Variants in COL14A1 observed in about 807,000 individuals in gnomAD.
The protein encoded by COL14A1 is collagen type XIV alpha 1 chain.
Under a neutral mutation model 230.3 loss-of-function variants are expected in COL14A1, and 136 were observed. The ratio of observed to expected loss-of-function variants is 0.59; its 90% CI spans 0.51 to 0.68. The LOEUF (loss-of-function observed/expected upper bound fraction) is 0.68. Among genes scored for constraint, COL14A1 ranks in the 30% least tolerant of loss-of-function variants. COL14A1 has a pLI of 0.00. For missense variants in COL14A1, 1,976 were observed against 2,215.8 expected (o/e 0.89, Z 2.17); for synonymous variants, 792 against 784.1 (o/e 1.01, Z -0.17).
intron 13 of COL14A1, chr8:120,213,983 C>G: frequency 2.5e-6 from 1 of 404,354 alleles, no homozygotes; most frequent in Admixed American, 3.0e-5. Flanking sequence ...TCTTTATTGT[C>G]AAAGAATCAG....
rs1814733029 is a variant in COL14A1 at position 120,136,952 on chromosome 8, T to G, written c.-37-10854T>G. On this transcript the variant is annotated intron_variant, in intron 1 of 47. Coordinates refer to ENST00000297848, the MANE Select transcript of COL14A1 (RefSeq NM_021110.4). Reference sequence around the variant, plus strand: ...ACTCCAGCCTGTGTGACAGTGAGAGTCTGTCTCAAAAAAAAAAAAAAAAAA... The same window carrying G: ...ACTCCAGCCTGTGTGACAGTGAGAGGCTGTCTCAAAAAAAAAAAAAAAAAA... 3.2e-5 allele frequency among the ~76,000 whole-genome samples: 3 copies of G among 94,540 alleles called. No individual in the cohort carries two copies. The South Asian group carries it at 1.1e-3, about 35-fold the overall frequency. 62.0% of individuals were successfully genotyped at this position (94,540 alleles called of 152,430 possible).
chr8:120,128,373 T>A (rs1321285596), intron 1 of COL14A1, among the ~76,000 whole-genome samples: 1 of 152,132 alleles, frequency 6.6e-6, no homozygotes, highest in African/African-American at 2.4e-5. Context: ...ATTCCTCCTT[T>A]AGCAATCACT....
In COL14A1 at chr8:120,263,726, T is replaced by G. The variant is rs539888084; in HGVS notation, c.3016+712T>G. Among the ~76,000 whole-genome samples, 6 of 152,186 alleles carry G rather than the reference T, an allele frequency of 3.9e-5. No individual in the cohort carries two copies. In the South Asian group the frequency reaches 1.2e-3, roughly 32 times the overall value. On this transcript the variant is annotated intron_variant, in intron 24 of 47. Transcript: ENST00000297848. Reference sequence around the variant, plus strand: ...CCGGGAGGATTTGTGTCTGAATAGGTGTTGGGCAATGGGCTTTCTTGGTGA... The same window carrying G: ...CCGGGAGGATTTGTGTCTGAATAGGGGTTGGGCAATGGGCTTTCTTGGTGA...
At chr8:120,198,644 A>C (rs1023351603) in intron 7 of COL14A1, among the ~76,000 whole-genome samples, 1 of 152,180 alleles carries the variant, frequency 6.6e-6, no homozygotes, top group African/African-American at 2.4e-5. Flanking sequence ...ATATAATGCA[A>C]ATATTCCAAA....
rs1315690208 is a variant in COL14A1 at position 120,372,648 on chromosome 8, G to A, written c.*1417G>A. On this transcript the variant is annotated 3_prime_UTR_variant, in exon 48 of 48. Transcript: ENST00000297848. ...TTCTGGATCAGGAAAAGGCTAACAC[G>A]AAGGATGGTGTCTGTCTGATCACCA... 6.6e-6 allele frequency among the ~76,000 whole-genome samples: 1 copy of A among 152,226 alleles called. No individual in the cohort carries two copies. Among genetic ancestry groups the A allele is most frequent in the Non-Finnish European group, 1.5e-5 (1 of 68,016 alleles).
At position 120,173,365 on chromosome 8, in the gene COL14A1, A is replaced by T. The variant is rs546459225; in HGVS notation, c.436+5118A>T. 4.6e-5 allele frequency among the ~76,000 whole-genome samples: 7 copies of T among 152,098 alleles called. No homozygotes were observed. The South Asian group carries it at 1.0e-3, about 22-fold the overall frequency. On this transcript the variant is annotated intron_variant, in intron 5 of 47. Transcript: ENST00000297848. ...TTTCTTACTTTCTGGCACAAACTTT[A>T]CATTCTGAGCGCTTGTATTTTTTCT...
At chr8:120,177,138 A>G (rs1363297212) in intron 5 of COL14A1, among the ~76,000 whole-genome samples, 1 of 152,166 alleles carries the variant, frequency 6.6e-6, no homozygotes, top group Admixed American at 6.6e-5. Flanking sequence ...AAATTAATAT[A>G]AAAATGCCCT....
At chr8:120,279,896 A>G in intron 28 of COL14A1, 39 bp from the exon 29 acceptor site, 2 of 1,605,166 alleles carry the variant, frequency 1.2e-6, no homozygotes, top group Non-Finnish European at 8.5e-7. Flanking sequence ...GTTTTGTACA[A>G]TTTAAAGTAA....
rs768073565 is a variant in COL14A1, at chr8:120,196,882, G to T, written c.528G>T (p.Leu176=). ...GTATTGGAAGATTCAACTTCAGACT[G>T]GTTCGGCATTTCTTGGAAAACCTGG... ...SWSIGRFNFR[L]VRHFLENLVT... The change falls in exon 6 of 48, where the codon CTG becomes CTT. Residue 176 remains leucine (L), a synonymous_variant. Coordinates refer to ENST00000297848, the MANE Select transcript of COL14A1 (RefSeq NM_021110.4). 1.4e-5 allele frequency: 23 copies of T among 1,613,924 alleles called. No individual in the cohort carries two copies. The highest frequency in any genetic ancestry group is 1.7e-5 in the Non-Finnish European group (20 of 1,179,972).
chr8:120,211,181 A>G (rs1162059052), intron 12 of COL14A1, among the ~76,000 whole-genome samples: 1 of 152,170 alleles, frequency 6.6e-6, no homozygotes, highest in Non-Finnish European at 1.5e-5. Context: ...TCATAGGGAA[A>G]CATCTTGCAA....
chr8:120,275,067 G>A (rs1407299452), intron 26 of COL14A1, among the ~76,000 whole-genome samples: 11 of 151,738 alleles, frequency 7.2e-5, no homozygotes, highest in Admixed American at 7.2e-4. Context: ...AAAATCTGGA[G>A]GCATCACATT....
In COL14A1 at chr8:120,262,995, G is replaced by T; in HGVS notation, c.2997G>T (p.Val999=). ...TCCAGGAGATTGAAGGACCTAGTGTGAGCATAATGGAAAAAACACGTAAGT... is the reference window on the plus strand; with the variant it reads ...TCCAGGAGATTGAAGGACCTAGTGTTAGCATAATGGAAAAAACACGTAAGT... The part of the protein sequence containing the change: ...TKLQEIEGPS[V]SIMEKTQSLP... The change falls in exon 24 of 48, where the codon GTG becomes GTT. Residue 999 remains valine (V), a synonymous_variant. Transcript: ENST00000297848. 2 of 1,606,212 alleles carry T rather than the reference G, an allele frequency of 1.2e-6. No homozygotes were observed. Among genetic ancestry groups the T allele is most frequent in the South Asian group, 2.2e-5 (2 of 88,972 alleles).
Position 120,210,052 on chromosome 8 carries a change from GC to G in COL14A1, c.1467+153del, listed in dbSNP as rs140286227. 9.6e-3 allele frequency: 5,289 copies of G among 548,180 alleles called. 160 individuals are homozygous for G. Among genetic ancestry groups the G allele is most frequent in the African/African-American group, 0.079 (4,015 of 50,806 alleles). The allele number at this position is 548,180 out of a possible 1,614,324, so 34.0% of individuals were successfully genotyped here. A position where few individuals can be genotyped will look rare whatever the true frequency, so the allele number is the denominator to read the frequency against. ...CTTATAATCCCACCACTGAGAGATA[GC>G]CATTGTTAACATTTAATTAACAGTC... On this transcript the variant is annotated intron_variant, in intron 12 of 47. Transcript: ENST00000297848.
intron 38 of COL14A1, 62 bp downstream of exon 38, chr8:120,314,089 A>G: frequency 1.6e-6 from 2 of 1,230,916 alleles, no homozygotes; most frequent in Non-Finnish European, 2.3e-6. Flanking sequence ...GAGGTTACAA[A>G]GAATGAACTT....
At chr8:120,230,201 C>T (rs10086059) in intron 18 of COL14A1, among the ~76,000 whole-genome samples, 103,329 of 151,902 alleles carry the variant, frequency 0.68, 35,586 homozygotes, top group East Asian at 0.85. Context: ...ATTATTCTTA[C>T]CATGTTTTCC....
chr8:120,333,260 A>T (rs748256885), intron 42 of COL14A1, among the ~76,000 whole-genome samples: 63 of 152,212 alleles, frequency 4.1e-4, no homozygotes, highest in Non-Finnish European at 2.6e-4. Context: ...CTAGTCTCTT[A>T]GGTTGGTGTT....
intron 13 of COL14A1, among the ~76,000 whole-genome samples, chr8:120,215,516 T>C (rs769342600): frequency 2.6e-5 from 4 of 152,140 alleles, no homozygotes; most frequent in Non-Finnish European, 5.9e-5. Flanking sequence ...GAAGGTTTTG[T>C]GCAGAGAAGT....
chr8:120,228,684 A>T, intron 17 of COL14A1, 26 bp from the exon 18 acceptor site: 1 of 1,594,342 alleles, frequency 6.3e-7, no homozygotes, highest in South Asian at 1.1e-5. Context: ...TTTTTGCAGC[A>T]TTTTAAAGTA....
intron 3 of COL14A1, among the ~76,000 whole-genome samples, chr8:120,160,126 T>G (rs1815615031): frequency 6.6e-6 from 1 of 152,212 alleles, no homozygotes; most frequent in African/African-American, 2.4e-5. Flanking sequence ...TTTGCAAACC[T>G]TGTTCAGAGT....
Sources: gnomAD v4.1 joint callset for allele counts (sites outside exome capture counted in the v4.1 genomes callset) on GRCh38, gnomAD v4.1.1 for gene constraint, MANE v1.5 for transcripts, NCBI Gene and HGNC (gene_info 2026-07-23, HGNC 2026-07-21) for gene names.